URGCP: variants seen among roughly 807,000 people sequenced by gnomAD.
URGCP encodes the protein upregulator of cell proliferation, also known as up-regulator of cell proliferation.
In URGCP, 13 loss-of-function variants were observed where a neutral mutation model predicts 24.6. The observed-to-expected ratio is 0.53, with a 90% CI of 0.34 to 0.84. The LOEUF is 0.84. URGCP is among the 40% of genes least tolerant of loss of function. URGCP has a pLI of 0.01. For missense variants in URGCP, 899 were observed against 1,194.3 expected (o/e 0.75, Z 3.64); for synonymous variants, 444 against 487.2 (o/e 0.91, Z 1.17).
upstream of URGCP, chr7:43,906,691 G>A: frequency 2.8e-6 from 3 of 1,064,332 alleles, 1 homozygote; most frequent in African/African-American, 3.4e-5. Context: ...GCGCTCCAGG[G>A]GTGGAGGTGG....
Position 43,877,638 on chromosome 7 carries a change from C to T in URGCP, c.1825G>A (p.Glu609Lys). 6.2e-7 allele frequency: 1 copy of T among 1,614,214 alleles called. No individual in the cohort carries two copies. The highest frequency in any genetic ancestry group is 8.5e-7 in the Non-Finnish European group (1 of 1,180,048). Residue 609 changes from glutamate to lysine, a missense_variant, in exon 6 of 6, where the codon GAG becomes AAG. Transcript: ENST00000453200. ...AAGAAGTGTTCCACCCCTAGGGGCTCAGGCCAGAGCGGCTCCCCCACGTCT... is the reference window on the plus strand; with the variant it reads ...AAGAAGTGTTCCACCCCTAGGGGCTTAGGCCAGAGCGGCTCCCCCACGTCT... Reference protein sequence around the residue: ...TTDVGEPLWPEPLGVEHFLRE... With the variant: ...TTDVGEPLWPKPLGVEHFLRE...
intron 1 of URGCP, among the ~76,000 whole-genome samples, chr7:43,892,288 A>G (rs892514865): frequency 1.4e-5 from 2 of 146,142 alleles, no homozygotes; most frequent in African/African-American, 5.2e-5. Flanking sequence ...CAGTGGTGCA[A>G]TCTCGGCTCA....
At chr7:43,890,265 A>G (rs1356351600) in intron 1 of URGCP, among the ~76,000 whole-genome samples, 3 of 132,560 alleles carry the variant, frequency 2.3e-5, no homozygotes, top group Non-Finnish European at 4.6e-5. Context: ...CCCAGGCTGG[A>G]GTGCAGTGGC....
At chr7:43,925,341 C>T (rs180996709) in intron 1 of URGCP, among the ~76,000 whole-genome samples, 16 of 152,218 alleles carry the variant, frequency 1.1e-4, no homozygotes, top group South Asian at 2.1e-4. Context: ...TAGATTACAG[C>T]GTTGGTCCCA....
chr7:43,918,816 GCTA>G, intron 1 of URGCP: 1 of 1,216,272 alleles, frequency 8.2e-7, no homozygotes, highest in Non-Finnish European at 1.2e-6. Flanking sequence ...GGAGGAGTTC[GCTA>G]CTGAGGGCAC....
chr7:43,897,296 G>A (rs1358918495), intron 1 of URGCP, among the ~76,000 whole-genome samples: 1 of 152,234 alleles, frequency 6.6e-6, no homozygotes, highest in Non-Finnish European at 1.5e-5. Context: ...GCCAAGGTCA[G>A]GTGTGCTGAG....
chr7:43,894,569 C>T (rs549267225), intron 1 of URGCP, among the ~76,000 whole-genome samples: 12 of 151,596 alleles, frequency 7.9e-5, no homozygotes, highest in Non-Finnish European at 1.6e-4. Flanking sequence ...CTATGTTGCC[C>T]GGCTGATGTC....
intron 1 of URGCP, chr7:43,919,058 C>A: frequency 9.8e-7 from 1 of 1,018,100 alleles, no homozygotes; most frequent in Non-Finnish European, 1.6e-6. Context: ...TTTTTAACAT[C>A]ACAGACCAGG....
At chr7:43,906,391 C>T in intron 1 of URGCP, 171 bp downstream of exon 1, 2 of 761,710 alleles carry the variant, frequency 2.6e-6, no homozygotes, top group Non-Finnish European at 3.2e-6. Flanking sequence ...CCGGTCCGCC[C>T]AAGGTCGGCG....
At chr7:43,922,440 A>T (rs753126224) in intron 1 of URGCP, among the ~76,000 whole-genome samples, 10 of 152,208 alleles carry the variant, frequency 6.6e-5, no homozygotes, top group Non-Finnish European at 1.3e-4. Context: ...AGAATGTGTG[A>T]GGGTTCCAAC....
At position 43,878,953 on chromosome 7, in the gene URGCP, G is replaced by A; in HGVS notation, c.510C>T (p.Ser170=). The A allele has an allele frequency of 6.2e-7, 1 of 1,614,232 alleles. No homozygotes were observed. Among genetic ancestry groups the A allele is most frequent in the Non-Finnish European group, 8.5e-7 (1 of 1,180,056 alleles). Reference sequence around the variant, plus strand: ...TATCAGGGGTGGGCAGCTCAGAAAAGGAATAAATGTCGGCAGCAAGGTCAT... The same window carrying A: ...TATCAGGGGTGGGCAGCTCAGAAAAAGAATAAATGTCGGCAGCAAGGTCAT... ...PADDLAADIY[S]FSELPTPDTP... The change falls in exon 6 of 6, where the codon TCC becomes TCT. Residue 170 remains serine (S), a synonymous_variant. Coordinates refer to ENST00000453200, the MANE Select transcript of URGCP (RefSeq NM_001077663.3). The surrounding 1 kb of genome is among the most constrained non-coding windows in gnomAD (Gnocchi z 5.6).
chr7:43,906,800 G>C (rs2095904301), upstream of URGCP: 1 of 307,148 alleles, frequency 3.3e-6, no homozygotes, highest in Non-Finnish European at 5.5e-6. Context: ...CCCGCAGCCC[G>C]CCCAACGCCC....
intron 3 of URGCP, among the ~76,000 whole-genome samples, chr7:43,882,594 C>T (rs2095855661): frequency 6.7e-6 from 1 of 149,488 alleles, no homozygotes; most frequent in African/African-American, 2.5e-5. Context: ...GGCATCAGAG[C>T]AAGACCCTGT....
At chr7:43,883,360 ATAT>A (rs1177722078) in intron 3 of URGCP, among the ~76,000 whole-genome samples, 4 of 98,232 alleles carry the variant, frequency 4.1e-5, no homozygotes, top group Admixed American at 1.2e-4. Context: ...ATATATATAT[ATAT>A]TTTTTTTTTT....
At position 43,881,934 on chromosome 7, in the gene URGCP, C is replaced by T; in HGVS notation, c.136G>A (p.Gly46Arg). ...IADLEWREME[G>R]DDCEFRYGDG... is the part of the protein sequence containing the mutation. ...CCATAACGGAACTCGCAATCATCTCCTTCCATTTCTCTCCATTCCAAATCT... is the reference window on the plus strand; with the variant it reads ...CCATAACGGAACTCGCAATCATCTCTTTCCATTTCTCTCCATTCCAAATCT... Residue 46 changes from glycine (G) to arginine (R), a missense_variant, in exon 4 of 6, where the codon GGA (glycine) becomes AGA (arginine). Coordinates refer to ENST00000453200, the MANE Select transcript of URGCP (RefSeq NM_001077663.3). 6.2e-7 allele frequency: 1 copy of T among 1,614,174 alleles called. No individual in the cohort carries two copies. Among genetic ancestry groups the T allele is most frequent in the Non-Finnish European group, 8.5e-7 (1 of 1,180,034 alleles).
intron 1 of URGCP, among the ~76,000 whole-genome samples, chr7:43,890,187 G>A (rs2095868431): frequency 1.3e-5 from 2 of 149,200 alleles, no homozygotes; most frequent in Admixed American, 6.7e-5. Flanking sequence ...TTACAGGTGT[G>A]AGCCACCACG....
chr7:43,912,289 A>G (rs62458679), intron 1 of URGCP, among the ~76,000 whole-genome samples: 22,871 of 152,138 alleles, frequency 0.15, 1,849 homozygotes, highest in Admixed American at 0.19. Flanking sequence ...CCTGAGGTCA[A>G]GAGTTCCAGA....
At chr7:43,887,509 T>G in intron 2 of URGCP, 24 bp from the exon 3 acceptor site, 1 of 1,611,740 alleles carries the variant, frequency 6.2e-7, no homozygotes, top group Non-Finnish European at 8.5e-7. Flanking sequence ...AGAAGAAAAT[T>G]ATAATTAAAA....
chr7:43,926,266 C>A (rs1268061715), exon 1 of URGCP: 2 of 205,896 alleles, frequency 9.7e-6, no homozygotes, highest in East Asian at 1.2e-4. Context: ...CGAGCCCCTC[C>A]TCTTCGCTGG....
Sources: allele counts gnomAD v4.1 joint callset (sites outside exome capture counted in the v4.1 genomes callset), GRCh38; gene constraint gnomAD v4.1.1; non-coding constraint Gnocchi (gnomAD v3.1); transcripts MANE v1.5; gene names NCBI Gene and HGNC (gene_info 2026-07-23, HGNC 2026-07-21).